Variants in NFIX observed in about 807,000 individuals in gnomAD.
NFIX encodes the protein nuclear factor 1 X-type.
A neutral mutation model predicts 53.3 loss-of-function variants in NFIX; 2 were observed. The ratio of observed to expected loss-of-function variants is 0.04; its 90% CI spans 0.02 to 0.12. The LOEUF (loss-of-function observed/expected upper bound fraction) is 0.12. Ranked by LOEUF, NFIX falls within the 10% of genes least tolerant of loss-of-function variation. The probability of loss-of-function intolerance (pLI) is 1.00; values close to 1 mark genes in which losing one functional copy is unlikely to be tolerated. For synonymous variants in NFIX, 244 were observed against 289.0 expected, an observed-to-expected ratio of 0.84 and a Z score of 1.58; for missense variants, 310 against 674.5, an observed-to-expected ratio of 0.46 and a Z score of 5.99.
rs888877053 is a variant in NFIX, at chr19:13,094,593, C to A, written c.1495-42C>A. The A allele has an allele frequency of 3.3e-5, 50 of 1,535,190 alleles. No individual in the cohort carries two copies. The highest frequency in any genetic ancestry group is 1.4e-4 in the Admixed American group (7 of 50,972). On this transcript the variant is annotated intron_variant, in intron 10 of 10. Coordinates refer to ENST00000592199, the MANE Select transcript of NFIX (RefSeq NM_001365902.3). This position sits in a 1 kb window ranked among gnomAD's most constrained non-coding sequence, Gnocchi z 4.3. ...CAGGTAGGAGTGAGATGGGACCTGCCCCAGCTGTTCTCAGTATCGCCTCTT... is the reference window on the plus strand; with the variant it reads ...CAGGTAGGAGTGAGATGGGACCTGCACCAGCTGTTCTCAGTATCGCCTCTT...
At position 12,998,110 on chromosome 19, in the gene NFIX, A is replaced by G. The variant is rs1403543321; in HGVS notation, c.27+2246A>G. On this transcript the variant is annotated intron_variant, in intron 1 of 10. Coordinates refer to ENST00000592199, the MANE Select transcript of NFIX (RefSeq NM_001365902.3). The surrounding 1 kb of genome is among the most constrained non-coding windows in gnomAD (Gnocchi z 4.4). ...CCCCGCTGGTCTCTGTTTTTATGAC[A>G]ACCTCTTTCCTTTGCTGTCTTTTTC... 6.6e-6 allele frequency among the ~76,000 whole-genome samples: 1 copy of G among 151,450 alleles called. No individual in the cohort carries two copies. The highest frequency in any genetic ancestry group is 2.4e-5 in the African/African-American group (1 of 41,204).
chr19:13,049,342 C>T lies in NFIX; in HGVS notation c.560-23705C>T, dbSNP rs2015185319. Among the ~76,000 whole-genome samples the T allele has an allele frequency of 1.3e-5, 2 of 152,178 alleles. No individual in the cohort carries two copies. The highest frequency in any genetic ancestry group is 4.1e-4 in the South Asian group (2 of 4,832). On this transcript the variant is annotated intron_variant, in intron 2 of 10. Coordinates refer to ENST00000592199, the MANE Select transcript of NFIX (RefSeq NM_001365902.3). The surrounding 1 kb of genome is among the most constrained non-coding windows in gnomAD (Gnocchi z 4.5). ...TACCTTCACAATGTTGTGTAACCAT[C>T]ACCACCATCTAATTCCAGAACAATT...
At chr19:13,026,690 C>T (rs990057876) in intron 2 of NFIX, among the ~76,000 whole-genome samples, 1 of 151,970 alleles carries the variant, frequency 6.6e-6, no homozygotes, top group African/African-American at 2.4e-5. Context: ...TACATTATGC[C>T]CAACCAACTT....
intron 1 of NFIX, among the ~76,000 whole-genome samples, chr19:13,008,517 G>T (rs576727753): frequency 1.3e-5 from 2 of 152,146 alleles, no homozygotes; most frequent in African/African-American, 4.8e-5. Flanking sequence ...GACGTTACTC[G>T]CTTGCTCCAA....
At chr19:13,033,728 C>T (rs183901458) in intron 2 of NFIX, among the ~76,000 whole-genome samples, 1 of 152,210 alleles carries the variant, frequency 6.6e-6, no homozygotes, top group Admixed American at 6.5e-5. Context: ...CACCCTGATT[C>T]TAGTTTTAAG....
At position 13,009,635 on chromosome 19, in the gene NFIX, C is replaced by A. The variant is rs1323137131; in HGVS notation, c.27+13771C>A. The stretch of plus-strand genomic sequence containing the variant: ...GAGGAAGAGGCTTCCTGATTCCCCG[C>A]TTAAGGGTGTTCAAACTGTCTGCCC... On this transcript the variant is annotated intron_variant, in intron 1 of 10. Transcript: ENST00000592199. This position sits in a 1 kb window ranked among gnomAD's most constrained non-coding sequence, Gnocchi z 4.7. 2.0e-5 allele frequency among the ~76,000 whole-genome samples: 3 copies of A among 152,214 alleles called. No individual in the cohort carries two copies. Among genetic ancestry groups the A allele is most frequent in the East Asian group, 3.8e-4 (2 of 5,198 alleles).
intron 2 of NFIX, among the ~76,000 whole-genome samples, chr19:13,034,325 C>T (rs143623041): frequency 2.0e-5 from 3 of 152,344 alleles, no homozygotes; most frequent in Non-Finnish European, 4.4e-5. Flanking sequence ...GGCCTCCCTC[C>T]CTCCTGACAG....
At chr19:13,017,682 G>T (rs111923248) in intron 1 of NFIX, among the ~76,000 whole-genome samples, 12 of 152,326 alleles carry the variant, frequency 7.9e-5, no homozygotes, top group African/African-American at 2.9e-4. Flanking sequence ...GGTGCCTGGG[G>T]TGAGTTTTCA....
At position 13,040,778 on chromosome 19, in the gene NFIX, A is replaced by G. The variant is rs905751796; in HGVS notation, c.559+15226A>G. ...GTCTTTCACACACTCGCGCACACAC[A>G]CAGCCACTTCTCGAAGCAGATCTTA... On this transcript the variant is annotated intron_variant, in intron 2 of 10. Transcript: ENST00000592199. The surrounding 1 kb of genome is among the most constrained non-coding windows in gnomAD (Gnocchi z 4.2). Among the ~76,000 whole-genome samples the G allele has an allele frequency of 3.9e-5, 6 of 152,202 alleles. No homozygotes were observed. The highest frequency in any genetic ancestry group is 8.8e-5 in the Non-Finnish European group (6 of 68,040).
chr19:13,094,823 C>T lies in NFIX; in HGVS notation c.*174C>T. 2 of 654,104 alleles carry T rather than the reference C, an allele frequency of 3.1e-6. No individual in the cohort carries two copies. The highest frequency in any genetic ancestry group is 5.6e-5 in the East Asian group (2 of 36,000). The allele number at this position is 654,104 out of a possible 1,614,324, so 40.5% of individuals were successfully genotyped here. A position where few individuals can be genotyped will look rare whatever the true frequency, so the allele number is the denominator to read the frequency against. On this transcript the variant is annotated 3_prime_UTR_variant, in exon 11 of 11. Transcript: ENST00000592199. The surrounding 1 kb of genome is among the most constrained non-coding windows in gnomAD (Gnocchi z 4.3). ...CCTCCAGCCCGGGGACCCCCGCGGG[C>T]CCCAGAAGCAGCCCAGTTCTCAGAG...
chr19:13,085,471 G>A (rs888148186), intron 8 of NFIX, among the ~76,000 whole-genome samples: 6 of 152,188 alleles, frequency 3.9e-5, no homozygotes, highest in African/African-American at 9.7e-5. Flanking sequence ...TGATCAGACC[G>A]TCCCATTCCC....
At position 13,028,199 on chromosome 19, in the gene NFIX, A is replaced by C. The variant is rs556717466; in HGVS notation, c.559+2647A>C. ...TGTGGGCACCACTTTCTCCATGCCC[A>C]TGCCTGCCAGGCACACTCAGCAGAG... On this transcript the variant is annotated intron_variant, in intron 2 of 10. Transcript: ENST00000592199. The surrounding 1 kb of genome is among the most constrained non-coding windows in gnomAD (Gnocchi z 4.2). 1.3e-5 allele frequency among the ~76,000 whole-genome samples: 2 copies of C among 152,238 alleles called. No individual in the cohort carries two copies. The highest frequency in any genetic ancestry group is 4.8e-5 in the African/African-American group (2 of 41,468).
rs767526942 is a variant in NFIX at position 13,025,719 on chromosome 19, C to T, written c.559+167C>T. 6.6e-6 allele frequency among the ~76,000 whole-genome samples: 1 copy of T among 152,204 alleles called. No individual in the cohort carries two copies. The highest frequency in any genetic ancestry group is 1.5e-5 in the Non-Finnish European group (1 of 68,044). Reference sequence around the variant, plus strand: ...GTTCTATGGGCCCTTTTCCTTTTTCCTGTCTTCTGTCTCCCCCGACCTGTT... The same window carrying T: ...GTTCTATGGGCCCTTTTCCTTTTTCTTGTCTTCTGTCTCCCCCGACCTGTT... On this transcript the variant is annotated intron_variant, in intron 2 of 10. Transcript: ENST00000592199. The surrounding 1 kb of genome is among the most constrained non-coding windows in gnomAD (Gnocchi z 7.5).
rs1331267722 is a variant in NFIX at position 13,060,443 on chromosome 19, C to G, written c.560-12604C>G. ...TGCCTCCTGGGGCATCAGCTCCCAG[C>G]TTGTGCTGCACCCTCTGACCACAAC... On this transcript the variant is annotated intron_variant, in intron 2 of 10. Coordinates refer to ENST00000592199, the MANE Select transcript of NFIX (RefSeq NM_001365902.3). This position sits in a 1 kb window ranked among gnomAD's most constrained non-coding sequence, Gnocchi z 4.3. 6.6e-6 allele frequency among the ~76,000 whole-genome samples: 1 copy of G among 152,180 alleles called. No individual in the cohort carries two copies. Among genetic ancestry groups the G allele is most frequent in the African/African-American group, 2.4e-5 (1 of 41,446 alleles).
At position 13,049,112 on chromosome 19, in the gene NFIX, C is replaced by T. The variant is rs948947719; in HGVS notation, c.559+23560C>T. On this transcript the variant is annotated intron_variant, in intron 2 of 10. Coordinates refer to ENST00000592199, the MANE Select transcript of NFIX (RefSeq NM_001365902.3). The surrounding 1 kb of genome is among the most constrained non-coding windows in gnomAD (Gnocchi z 4.5). ...AAACAAAACAAAAATTAGCCATGCACGGTGGTGGCGTGCATTTGTAATCCT... is the reference window on the plus strand; with the variant it reads ...AAACAAAACAAAAATTAGCCATGCATGGTGGTGGCGTGCATTTGTAATCCT... Among the ~76,000 whole-genome samples the T allele has an allele frequency of 2.6e-5, 4 of 151,082 alleles. No homozygotes were observed. Among genetic ancestry groups the T allele is most frequent in the South Asian group, 2.1e-4 (1 of 4,742 alleles).
intron 1 of NFIX, among the ~76,000 whole-genome samples, chr19:12,997,348 TG>T (rs1413206418): frequency 1.3e-5 from 2 of 152,228 alleles, no homozygotes; most frequent in Admixed American, 6.5e-5. Context: ...CTGCGTGGCA[TG>T]GCCGTGTGTG....
rs1273979965 is a variant in NFIX, at chr19:13,067,958, A to G, written c.560-5089A>G. On this transcript the variant is annotated intron_variant, in intron 2 of 10. Coordinates refer to ENST00000592199, the MANE Select transcript of NFIX (RefSeq NM_001365902.3). This position sits in a 1 kb window ranked among gnomAD's most constrained non-coding sequence, Gnocchi z 4.2. The stretch of plus-strand genomic sequence containing the variant: ...GTCTCTTCTAAAAATACAAAAAATT[A>G]GCTGGTCCTGGTGACAGGTGCCTGT... Among the ~76,000 whole-genome samples the G allele has an allele frequency of 6.6e-6, 1 of 152,018 alleles. No homozygotes were observed. Among genetic ancestry groups the G allele is most frequent in the Admixed American group, 6.5e-5 (1 of 15,268 alleles).
Position 13,072,864 on chromosome 19 carries a change from C to T in NFIX, c.560-183C>T, listed in dbSNP as rs2145429709. 6.6e-6 allele frequency among the ~76,000 whole-genome samples: 1 copy of T among 152,296 alleles called. No homozygotes were observed. Among genetic ancestry groups the T allele is most frequent in the South Asian group, 2.1e-4 (1 of 4,832 alleles). ...AGAAACCTGCACTGGGCCTGTCTTT[C>T]CTTCTCTGCTTTGGGTCTCCCGGAG... On this transcript the variant is annotated intron_variant, in intron 2 of 10. Transcript: ENST00000592199. The surrounding 1 kb of genome is among the most constrained non-coding windows in gnomAD (Gnocchi z 4.0).
intron 2 of NFIX, among the ~76,000 whole-genome samples, chr19:13,061,577 C>T (rs1356128337): frequency 6.6e-6 from 1 of 152,176 alleles, no homozygotes; most frequent in East Asian, 1.9e-4. Context: ...TGCAGCGCTT[C>T]GCTCCCTGAA....
Sources: gnomAD v4.1 joint callset for allele counts (sites outside exome capture counted in the v4.1 genomes callset) on GRCh38, gnomAD v4.1.1 for gene constraint, Gnocchi (gnomAD v3.1) non-coding constraint, MANE v1.5 for transcripts, NCBI Gene and HGNC (gene_info 2026-07-23, HGNC 2026-07-21) for gene names.